The following DESI2 variants were observed in gnomAD, a reference collection of about 807,000 sequenced individuals.
DESI2 encodes the protein deubiquitinase DESI2.
DESI2 carries 10 observed loss-of-function variants against 24.1 expected under a neutral mutation model. That is an observed-to-expected ratio of 0.41 (90% CI 0.26 to 0.70). DESI2 has a LOEUF of 0.70. Ranked by LOEUF, DESI2 falls within the 30% of genes least tolerant of loss-of-function variation. The pLI, the probability that DESI2 is intolerant of heterozygous loss-of-function variation, is 0.29. For missense variants in DESI2, 122 were observed against 234.9 expected (o/e 0.52, Z 3.14); for synonymous variants, 71 against 87.7 (o/e 0.81, Z 1.06).
rs937942611 is a variant in DESI2 at position 244,708,982 on chromosome 1, A to G, written c.*3193A>G. 2 of 152,524 alleles carry G rather than the reference A, an allele frequency of 1.3e-5. No homozygotes were observed. The highest frequency in any genetic ancestry group is 1.9e-4 in the East Asian group (1 of 5,196). The allele number at this position is 152,524 out of a possible 1,614,324, so 9.4% of individuals were successfully genotyped here. A position where few individuals can be genotyped will look rare whatever the true frequency, so the allele number is the denominator to read the frequency against. On this transcript the variant is annotated 3_prime_UTR_variant, in exon 5 of 5. Transcript: ENST00000302550. ...TACCTTGATATAGCATTGGGCTATC[A>G]TGTTACAACATTGAAATACATTGAT...
intron 1 of DESI2, among the ~76,000 whole-genome samples, chr1:244,684,412 C>T (rs1242018504): frequency 1.3e-5 from 2 of 152,112 alleles, no homozygotes; most frequent in Admixed American, 6.5e-5. Context: ...ACAGGTGCTT[C>T]AGACCTTTCT....
At chr1:244,683,531 T>C (rs2148801864) in intron 1 of DESI2, among the ~76,000 whole-genome samples, 1 of 152,236 alleles carries the variant, frequency 6.6e-6, no homozygotes, top group East Asian at 1.9e-4. Context: ...CAGGGTGGTC[T>C]TGATCTCCTG....
At chr1:244,703,464 C>T (rs1314492373) in intron 4 of DESI2, among the ~76,000 whole-genome samples, 1 of 152,024 alleles carries the variant, frequency 6.6e-6, no homozygotes, top group Non-Finnish European at 1.5e-5. Flanking sequence ...CAGGCAATCC[C>T]CCTGCCCTAG....
At chr1:244,669,144 C>T (rs1676148483) in intron 1 of DESI2, among the ~76,000 whole-genome samples, 1 of 151,922 alleles carries the variant, frequency 6.6e-6, no homozygotes, top group Non-Finnish European at 1.5e-5. Flanking sequence ...TGGGACTATG[C>T]ACCGCCACAC....
At chr1:244,679,627 T>G (rs1301037357) in intron 1 of DESI2, among the ~76,000 whole-genome samples, 1 of 152,166 alleles carries the variant, frequency 6.6e-6, no homozygotes, top group Non-Finnish European at 1.5e-5. Flanking sequence ...TCCCAGCACT[T>G]TGGGAGGCCA....
intron 1 of DESI2, among the ~76,000 whole-genome samples, chr1:244,660,593 A>G (rs1165728176): frequency 6.6e-6 from 1 of 152,254 alleles, no homozygotes; most frequent in East Asian, 1.9e-4. Context: ...TAAAATGTAA[A>G]GTGAGAAACT....
intron 1 of DESI2, chr1:244,653,580 G>C: frequency 3.8e-6 from 2 of 526,092 alleles, no homozygotes; most frequent in Non-Finnish European, 3.2e-6. Flanking sequence ...CCAAAGCTCG[G>C]GTGGGCTTGA....
intron 1 of DESI2, among the ~76,000 whole-genome samples, chr1:244,658,330 C>T (rs1675718052): frequency 6.6e-6 from 1 of 152,186 alleles, no homozygotes; most frequent in Non-Finnish European, 1.5e-5. Context: ...GCTGTCCAAA[C>T]AGGCTATATC....
chr1:244,653,402 C>T (rs757038208), intron 1 of DESI2, 47 bp downstream of exon 1: 22 of 1,531,264 alleles, frequency 1.4e-5, no homozygotes, highest in East Asian at 8.0e-5. Context: ...AGGCCGGCTT[C>T]CTCTCGCCCG....
chr1:244,694,813 G>A (rs957259068), intron 4 of DESI2: 22 of 533,200 alleles, frequency 4.1e-5, no homozygotes, highest in East Asian at 2.2e-4. Context: ...ACTGCTTTCC[G>A]GCTGCAGTGG....
chr1:244,699,957 A>G (rs572897185), intron 4 of DESI2, among the ~76,000 whole-genome samples: 12 of 152,346 alleles, frequency 7.9e-5, no homozygotes, highest in African/African-American at 2.4e-4. Context: ...CCCACACGGA[A>G]CACCTCCAGA....
chr1:244,680,267 A>G (rs185547766), intron 1 of DESI2, among the ~76,000 whole-genome samples: 23 of 152,220 alleles, frequency 1.5e-4, no homozygotes, highest in African/African-American at 5.1e-4. Context: ...GGACAACATG[A>G]TGAAACCCTG....
intron 2 of DESI2, among the ~76,000 whole-genome samples, chr1:244,687,988 C>G (rs980710722): frequency 6.6e-6 from 1 of 152,158 alleles, no homozygotes. Flanking sequence ...AAACTGAGGC[C>G]CAAACCTGCT....
chr1:244,667,303 G>A (rs773686853), intron 1 of DESI2, among the ~76,000 whole-genome samples: 2 of 152,130 alleles, frequency 1.3e-5, no homozygotes, highest in African/African-American at 4.8e-5. Context: ...ACAGGTATTG[G>A]ATAAATACAG....
At chr1:244,703,880 G>C (rs188795460) in intron 4 of DESI2, among the ~76,000 whole-genome samples, 217 of 152,070 alleles carry the variant, frequency 1.4e-3, no homozygotes, top group Non-Finnish European at 2.4e-3. Context: ...GGATGGTCTC[G>C]ATCTCCTGAC....
intron 4 of DESI2, among the ~76,000 whole-genome samples, chr1:244,702,999 G>A (rs905467413): frequency 2.8e-4 from 26 of 93,178 alleles, no homozygotes; most frequent in South Asian, 4.7e-4. Flanking sequence ...GTTTGCCAGC[G>A]CTTTTTTTTT....
intron 1 of DESI2, among the ~76,000 whole-genome samples, chr1:244,670,396 A>T (rs771231204): frequency 6.6e-5 from 10 of 152,244 alleles, no homozygotes; most frequent in Non-Finnish European, 8.8e-5. Context: ...GACACTGTAC[A>T]GATAACCAGA....
At chr1:244,654,155 A>G in intron 1 of DESI2, 2 of 387,044 alleles carry the variant, frequency 5.2e-6, no homozygotes, top group Non-Finnish European at 1.0e-5. Flanking sequence ...TTTGCAGTGA[A>G]ATGCCCCCAG....
At chr1:244,663,786 A>G (rs910376490) in intron 1 of DESI2, among the ~76,000 whole-genome samples, 1 of 151,990 alleles carries the variant, frequency 6.6e-6, no homozygotes, top group Non-Finnish European at 1.5e-5. Flanking sequence ...TGGGAGGCCA[A>G]GGTGGACGGA....
Sources: gnomAD v4.1 joint callset for allele counts (sites outside exome capture counted in the v4.1 genomes callset) on GRCh38, gnomAD v4.1.1 for gene constraint, MANE v1.5 for transcripts, NCBI Gene and HGNC (gene_info 2026-07-23, HGNC 2026-07-21) for gene names.